Variants in DLGAP2 observed in about 807,000 individuals in gnomAD.
The protein encoded by DLGAP2 is DLG associated protein 2, also known as disks large-associated protein 2.
A neutral mutation model predicts 100.3 loss-of-function variants in DLGAP2; 26 were observed. That is an observed-to-expected ratio of 0.26 (90% confidence interval 0.19 to 0.36). DLGAP2 has a LOEUF of 0.36. DLGAP2 is among the 10% of genes least tolerant of loss of function. The pLI, the probability that DLGAP2 is intolerant of heterozygous loss-of-function variation, is 1.00. For synonymous variants in DLGAP2, 886 were observed against 630.1 expected, an observed-to-expected ratio of 1.41 and a Z score of -6.08; for missense variants, 1,858 against 1,453.2, an observed-to-expected ratio of 1.28 and a Z score of -4.53.
chr8:1,452,664 C>A (rs1204162481), intron 3 of DLGAP2, among the ~76,000 whole-genome samples: 1 of 152,220 alleles, frequency 6.6e-6, no homozygotes, highest in African/African-American at 2.4e-5. Context: ...GATGCCGAAA[C>A]ATTATCAGCA....
intron 1 of DLGAP2, among the ~76,000 whole-genome samples, chr8:815,639 G>T (rs1043628559): frequency 1.3e-5 from 2 of 152,134 alleles, no homozygotes; most frequent in African/African-American, 4.8e-5. Flanking sequence ...GTTATAGATT[G>T]GTAAATAATG....
At chr8:1,486,444 G>A (rs557144777) in intron 3 of DLGAP2, among the ~76,000 whole-genome samples, 3 of 152,312 alleles carry the variant, frequency 2.0e-5, no homozygotes, top group Non-Finnish European at 2.9e-5. Flanking sequence ...GTGGTGGCAC[G>A]TGCGAAGCCT....
At chr8:838,521 T>A (rs1437880495) in intron 1 of DLGAP2, among the ~76,000 whole-genome samples, 1 of 152,076 alleles carries the variant, frequency 6.6e-6, no homozygotes, top group Non-Finnish European at 1.5e-5. Context: ...TTTCAATTAA[T>A]CCATAATATA....
At chr8:1,299,083 C>T (rs939945740) in intron 3 of DLGAP2, among the ~76,000 whole-genome samples, 3 of 152,210 alleles carry the variant, frequency 2.0e-5, no homozygotes, top group African/African-American at 4.8e-5. Flanking sequence ...TTGTGGGTAA[C>T]TTTTAATTTG....
chr8:1,436,793 G>C (rs1451198144), intron 3 of DLGAP2, among the ~76,000 whole-genome samples: 2 of 152,052 alleles, frequency 1.3e-5, no homozygotes, highest in African/African-American at 4.8e-5. Flanking sequence ...TTCGGGTTCT[G>C]CAAGTTCCAT....
chr8:1,289,152 C>T lies in DLGAP2; in HGVS notation c.106+30269C>T, dbSNP rs530954579. On this transcript the variant is annotated intron_variant, in intron 3 of 14. Coordinates refer to ENST00000637795, the MANE Select transcript of DLGAP2 (RefSeq NM_001346810.2). Reference sequence around the variant, plus strand: ...AGGCTGTTTTTAGCCTGGAGAAAGCCAATGTCTGCATTTAGCTGTGTTTAT... The same window carrying T: ...AGGCTGTTTTTAGCCTGGAGAAAGCTAATGTCTGCATTTAGCTGTGTTTAT... Among the ~76,000 whole-genome samples the T allele has an allele frequency of 6.9e-4, 105 of 152,210 alleles. 1 individual carries two copies. Among genetic ancestry groups the T allele is most frequent in the African/African-American group, 2.3e-3 (95 of 41,544 alleles).
chr8:1,239,888 T>C (rs1189437669), intron 2 of DLGAP2, among the ~76,000 whole-genome samples: 1 of 117,798 alleles, frequency 8.5e-6, no homozygotes, highest in African/African-American at 3.5e-5. Context: ...TCTAGTTCTC[T>C]CACATGGTGC....
rs190099378 is a variant in DLGAP2 at position 1,241,696 on chromosome 8, G to C, written c.74-17155G>C. ...TTAACTGTATAATTTTAATTTTTCA[G>C]GGCAAGTGTGTAATTTAGATTTTAA... On this transcript the variant is annotated intron_variant, in intron 2 of 14. Coordinates refer to ENST00000637795, the MANE Select transcript of DLGAP2 (RefSeq NM_001346810.2). Among the ~76,000 whole-genome samples, 33 of 152,096 alleles carry C rather than the reference G, an allele frequency of 2.2e-4. No homozygotes were observed. The East Asian group carries it at 4.2e-3, about 20-fold the overall frequency.
chr8:951,779 T>C (rs1398809803), intron 2 of DLGAP2, among the ~76,000 whole-genome samples: 7 of 152,220 alleles, frequency 4.6e-5, no homozygotes, highest in Admixed American at 2.6e-4. Context: ...AGATGAGTTT[T>C]AAAGGAGGAG....
intron 2 of DLGAP2, among the ~76,000 whole-genome samples, chr8:1,064,828 C>T (rs186523235): frequency 5.1e-4 from 77 of 152,284 alleles, no homozygotes; most frequent in African/African-American, 1.8e-3. Flanking sequence ...AAGCGTGGTC[C>T]GTTTCACCCC....
At chr8:1,457,530 G>A (rs1798348560) in intron 3 of DLGAP2, among the ~76,000 whole-genome samples, 1 of 152,220 alleles carries the variant, frequency 6.6e-6, no homozygotes, top group Admixed American at 6.5e-5. Flanking sequence ...AGGACAAGCT[G>A]ATGGCAGCAA....
chr8:756,026 G>A (rs969196814), intron 1 of DLGAP2, among the ~76,000 whole-genome samples: 3 of 152,186 alleles, frequency 2.0e-5, no homozygotes, highest in African/African-American at 7.2e-5. Context: ...GGTTATAACC[G>A]GTATTTGGCT....
intron 3 of DLGAP2, among the ~76,000 whole-genome samples, chr8:1,305,090 G>T (rs1800457230): frequency 6.6e-6 from 1 of 152,212 alleles, no homozygotes; most frequent in South Asian, 2.1e-4. Flanking sequence ...TCTCTCAGAA[G>T]CACCAGAGTA....
intron 6 of DLGAP2, among the ~76,000 whole-genome samples, chr8:1,623,685 C>T (rs886357343): frequency 2.0e-5 from 3 of 152,204 alleles, no homozygotes; most frequent in African/African-American, 7.2e-5. Context: ...GATGACCTGG[C>T]ACCAGTGCAC....
chr8:1,179,310 C>G (rs993337234), intron 2 of DLGAP2, among the ~76,000 whole-genome samples: 1 of 152,254 alleles, frequency 6.6e-6, no homozygotes, highest in African/African-American at 2.4e-5. Flanking sequence ...CCCCACCCCC[C>G]ATTTTCGCCT....
chr8:1,081,882 C>T (rs1367866509), intron 2 of DLGAP2, among the ~76,000 whole-genome samples: 1 of 152,144 alleles, frequency 6.6e-6, no homozygotes, highest in Non-Finnish European at 1.5e-5. Flanking sequence ...CGAGTGGATG[C>T]CGACGCTGCG....
intron 2 of DLGAP2, among the ~76,000 whole-genome samples, chr8:1,053,185 G>A (rs762381361): frequency 7.2e-5 from 11 of 152,156 alleles, no homozygotes; most frequent in African/African-American, 2.2e-4. Context: ...ATAGAAGCGC[G>A]GATGTGGTGG....
In DLGAP2 at chr8:1,240,659, T is replaced by C. The variant is rs182221483; in HGVS notation, c.74-18192T>C. ...GTCTAGTTCTCTCTCACACAGAGCA[T>C]CGTGTCTGGTTCTCTCACATGGCGC... is the stretch of plus-strand genomic sequence containing the variant. On this transcript the variant is annotated intron_variant, in intron 2 of 14. Transcript: ENST00000637795. Among the ~76,000 whole-genome samples the C allele has an allele frequency of 1.1e-3, 166 of 146,596 alleles. 2 individuals carry two copies. The highest frequency in any genetic ancestry group is 2.1e-3 in the Non-Finnish European group (139 of 66,976).
chr8:811,822 A>G (rs1427136558), intron 1 of DLGAP2, among the ~76,000 whole-genome samples: 1 of 152,276 alleles, frequency 6.6e-6, no homozygotes, highest in Non-Finnish European at 1.5e-5. Context: ...ATATAAGGGG[A>G]AGAAAATAAA....
Sources: gnomAD v4.1 joint callset for allele counts (sites outside exome capture counted in the v4.1 genomes callset) on GRCh38, gnomAD v4.1.1 for gene constraint, MANE v1.5 for transcripts, NCBI Gene and HGNC (gene_info 2026-07-23, HGNC 2026-07-21) for gene names.